The following LNX2 variants were observed in gnomAD, a reference collection of about 807,000 sequenced individuals.
LNX2 encodes ligand of Numb protein X 2.
A neutral mutation model predicts 66.2 loss-of-function variants in LNX2; 35 were observed. The observed-to-expected ratio is 0.53, with a 90% CI of 0.40 to 0.70. LNX2 has a LOEUF of 0.70. LNX2 is among the 30% of genes least tolerant of loss of function. The probability of loss-of-function intolerance (pLI) is 0.00; values close to 1 mark genes in which losing one functional copy is unlikely to be tolerated. For synonymous variants in LNX2, 337 were observed against 315.6 expected (o/e 1.07, Z -0.72); for missense variants, 791 against 850.8 (o/e 0.93, Z 0.87).
At chr13:27,559,139 A>G (rs1955098600) in intron 6 of LNX2, among the ~76,000 whole-genome samples, 2 of 152,164 alleles carry the variant, frequency 1.3e-5, no homozygotes, top group African/African-American at 4.8e-5. Context: ...CAAGAATGCT[A>G]AAGTATCATC....
chr13:27,549,695 C>T (rs974617383), intron 9 of LNX2, among the ~76,000 whole-genome samples: 4 of 152,190 alleles, frequency 2.6e-5, no homozygotes, highest in South Asian at 2.1e-4. Context: ...CTTAGCACCG[C>T]GCCAGGCATC....
At chr13:27,604,432 G>A (rs1448218270) in intron 1 of LNX2, among the ~76,000 whole-genome samples, 7 of 152,196 alleles carry the variant, frequency 4.6e-5, no homozygotes, top group African/African-American at 1.7e-4. Context: ...TAAAGAATAA[G>A]AATAAGGAGG....
chr13:27,616,911 C>T (rs575106599), intron 1 of LNX2, among the ~76,000 whole-genome samples: 2 of 152,100 alleles, frequency 1.3e-5, no homozygotes, highest in Non-Finnish European at 2.9e-5. Context: ...CCACCACGCC[C>T]AGCTAATTTT....
At chr13:27,589,824 T>C (rs1239988323) in intron 1 of LNX2, among the ~76,000 whole-genome samples, 2 of 152,258 alleles carry the variant, frequency 1.3e-5, no homozygotes, top group Admixed American at 6.5e-5. Context: ...CAGTAACATC[T>C]AGGTGAACCT....
intron 1 of LNX2, among the ~76,000 whole-genome samples, chr13:27,598,594 ATGGATACTATTCTCACATTCCTCCC>A (rs1451113987): frequency 3.3e-5 from 5 of 151,358 alleles, no homozygotes; most frequent in African/African-American, 1.2e-4. Flanking sequence ...TAACCCTGAG[ATGGATACTATTCTCACATTCCTCCC>A]CATTTTTCAA....
chr13:27,580,602 TA>T (rs1402856024), intron 2 of LNX2, among the ~76,000 whole-genome samples: 2 of 152,112 alleles, frequency 1.3e-5, no homozygotes, highest in Non-Finnish European at 2.9e-5. Flanking sequence ...ATCAGCTAAA[TA>T]AATTACTTAA....
At chr13:27,568,113 G>C (rs74402381) in intron 3 of LNX2, among the ~76,000 whole-genome samples, 1,717 of 151,838 alleles carry the variant, frequency 0.011, 29 homozygotes, top group African/African-American at 0.038. Context: ...AATATGAAAA[G>C]AAAGTCATTC....
At chr13:27,597,736 T>C (rs1955614642) in intron 1 of LNX2, among the ~76,000 whole-genome samples, 1 of 151,968 alleles carries the variant, frequency 6.6e-6, no homozygotes, top group African/African-American at 2.4e-5. Context: ...AAAGGAGGAA[T>C]GGATTTGAGC....
At position 27,550,323 on chromosome 13, in the gene LNX2, C is replaced by T; in HGVS notation, c.1937+10G>A. On this transcript the variant is annotated intron_variant, in intron 9 of 9. Coordinates refer to ENST00000316334, the MANE Select transcript of LNX2 (RefSeq NM_153371.4). ...ACATGAATCACATCATTAATTAGAA[C>T]AAGACTCACTTTAATCTTCCATCAT... is the stretch of plus-strand genomic sequence containing the variant. The T allele has an allele frequency of 6.2e-7, 1 of 1,610,382 alleles. No homozygotes were observed. Among genetic ancestry groups the T allele is most frequent in the Non-Finnish European group, 8.5e-7 (1 of 1,177,734 alleles).
At chr13:27,582,002 A>G (rs1429670452) in intron 1 of LNX2, among the ~76,000 whole-genome samples, 199 bp from the exon 2 acceptor site, 8 of 152,144 alleles carry the variant, frequency 5.3e-5, no homozygotes, top group East Asian at 3.8e-4. Flanking sequence ...CTTTTTTATT[A>G]TAAGTTTTAA....
At chr13:27,583,197 T>TGCGCGCGC (rs1566124624) in intron 1 of LNX2, among the ~76,000 whole-genome samples, 10 of 11,506 alleles carry the variant, frequency 8.7e-4, no homozygotes, top group Admixed American at 2.1e-3. Flanking sequence ...TGTGTGTGTG[T>TGCGCGCGC]GTGTGTGTGT....
chr13:27,567,804 T>C lies in LNX2; in HGVS notation c.691A>G (p.Ile231Val), dbSNP rs1425501047. The C allele has an allele frequency of 3.1e-6, 5 of 1,613,942 alleles. No homozygotes were observed. The highest frequency in any genetic ancestry group is 2.2e-5 in the East Asian group (1 of 44,890). The change falls in exon 4 of 10, where the codon ATC becomes GTC. Residue 231 changes from isoleucine (I) to valine (V), a missense_variant. Ile to Val is a conservative substitution (Grantham distance 29). Coordinates refer to ENST00000316334, the MANE Select transcript of LNX2 (RefSeq NM_153371.4). ...QQPLSLPEGE[I>V]TTIEIHRSNP... ...GACCGATGAATTTCAATCGTGGTGA[T>C]TTCTCCTTCTGGTAAACTAAGTGGC...
chr13:27,598,649 G>A (rs1490174343), intron 1 of LNX2, among the ~76,000 whole-genome samples: 4 of 151,984 alleles, frequency 2.6e-5, no homozygotes, highest in African/African-American at 7.3e-5. Flanking sequence ...CTGAGAGTAA[G>A]GCCCAAGACC....
chr13:27,559,726 T>A lies in LNX2; in HGVS notation c.1368+116A>T, dbSNP rs187970917. The stretch of plus-strand genomic sequence containing the variant: ...ACAACCCTCATTTGAATCTTTTTTT[T>A]AAAAAAACTGCTTTATTGAGGTGTG... On this transcript the variant is annotated intron_variant, in intron 6 of 9. Transcript: ENST00000316334. 1.5e-3 allele frequency: 1,512 copies of A among 1,024,088 alleles called. 12 individuals are homozygous for A. In the African/African-American group the frequency reaches 0.018, roughly 12 times the overall value. 63.4% of individuals were successfully genotyped at this position (1,024,088 alleles called of 1,614,324 possible).
intron 1 of LNX2, among the ~76,000 whole-genome samples, chr13:27,613,137 G>A (rs1364221253): frequency 6.6e-6 from 1 of 152,166 alleles, no homozygotes; most frequent in Admixed American, 6.5e-5. Context: ...GAACAGGGGC[G>A]TTATCTGGCA....
chr13:27,609,231 C>T (rs833091), intron 1 of LNX2, among the ~76,000 whole-genome samples: 74,117 of 150,792 alleles, frequency 0.49, 20,263 homozygotes, highest in South Asian at 0.62. Context: ...TGGCTCACTG[C>T]AATCTCCGCC....
intron 1 of LNX2, among the ~76,000 whole-genome samples, chr13:27,613,959 A>G (rs1307679809): frequency 6.6e-6 from 1 of 152,162 alleles, no homozygotes; most frequent in Non-Finnish European, 1.5e-5. Context: ...TCAAAGTTCA[A>G]ATGTTAAAAA....
At chr13:27,620,770 A>C (rs565382779), upstream of LNX2, 40 of 152,282 alleles carry the variant, frequency 2.6e-4, no homozygotes, top group African/African-American at 8.7e-4. Context: ...CGCCTCCCCC[A>C]CTCGCCCCGG....
intron 6 of LNX2, among the ~76,000 whole-genome samples, chr13:27,558,869 G>A (rs1486766186): frequency 6.6e-6 from 1 of 152,066 alleles, no homozygotes; most frequent in Non-Finnish European, 1.5e-5. Context: ...CAAAAATACT[G>A]TGTCTTTAAG....
Sources: gnomAD v4.1 joint callset for allele counts (sites outside exome capture counted in the v4.1 genomes callset) on GRCh38, gnomAD v4.1.1 for gene constraint, MANE v1.5 for transcripts, NCBI Gene and HGNC (gene_info 2026-07-23, HGNC 2026-07-21) for gene names.